The following EVC variants were observed in gnomAD, a reference collection of about 807,000 sequenced individuals.
EVC encodes the protein EvC ciliary complex subunit 1.
EVC carries 116 observed loss-of-function variants against 118.9 expected under a neutral mutation model. That is an observed-to-expected ratio of 0.98 (90% CI 0.84 to 1.14). The LOEUF is 1.14. Among genes scored for constraint, EVC ranks in the 50% most tolerant of loss-of-function variants. EVC has a pLI of 0.00. For missense variants in EVC, 1,401 were observed against 1,246.4 expected, an observed-to-expected ratio of 1.12 and a Z score of -1.87; for synonymous variants, 619 against 534.7, an observed-to-expected ratio of 1.16 and a Z score of -2.18.
At chr4:5,735,692 G>A (rs910730977) in intron 5 of EVC, among the ~76,000 whole-genome samples, 3 of 152,176 alleles carry the variant, frequency 2.0e-5, no homozygotes, top group African/African-American at 7.2e-5. Context: ...TAAGTCACTT[G>A]CCCAAAGTCA....
chr4:5,767,643 G>T (rs1733148293), intron 11 of EVC, among the ~76,000 whole-genome samples: 1 of 152,018 alleles, frequency 6.6e-6, no homozygotes. Context: ...ACAGTATGCG[G>T]GTGGGAGTGA....
chr4:5,784,187 C>A (rs189621634), intron 12 of EVC, among the ~76,000 whole-genome samples: 4 of 152,244 alleles, frequency 2.6e-5, no homozygotes, highest in Admixed American at 2.6e-4. Context: ...TCAAAGATAT[C>A]TATGCTGTGT....
At chr4:5,767,743 C>G (rs945588444) in intron 11 of EVC, among the ~76,000 whole-genome samples, 16 of 152,190 alleles carry the variant, frequency 1.1e-4, no homozygotes, top group African/African-American at 3.6e-4. Flanking sequence ...GAGGCAATGC[C>G]TCGCCCTGCT....
rs150373930 is a variant in EVC, at chr4:5,801,967, G to C, written c.2322G>C (p.Ala774=). Residue 774 remains alanine (A), a synonymous_variant, in exon 16 of 21, where the codon GCG becomes GCC. Coordinates refer to ENST00000264956, the MANE Select transcript of EVC (RefSeq NM_153717.3). ...RDDFKRTLME[A]AVESVYVTSA... is the part of the protein sequence containing the mutation. ...TCCCTCAGAGGACACTGATGGAGGC[G>C]GCAGTGGAGAGCGTCTACGTGACCA... 8.9e-4 allele frequency: 1,437 copies of C among 1,613,674 alleles called. 7 individuals are homozygous for C. Among genetic ancestry groups the C allele is most frequent in the South Asian group, 2.0e-3 (184 of 91,046 alleles).
chr4:5,722,529 G>A (rs767564363), intron 2 of EVC, among the ~76,000 whole-genome samples: 8 of 152,098 alleles, frequency 5.3e-5, no homozygotes, highest in Non-Finnish European at 7.3e-5. Context: ...CCAGGGCCTT[G>A]TGGTTCCTGC....
chr4:5,751,572 G>T (rs1281161708), intron 8 of EVC, among the ~76,000 whole-genome samples: 1 of 152,254 alleles, frequency 6.6e-6, no homozygotes, highest in Non-Finnish European at 1.5e-5. Flanking sequence ...TGTGTTGTGG[G>T]AACAGAGGCC....
rs1724489884 is a variant in EVC, at chr4:5,719,132, C to T, written c.175-116C>T. ...CAAGCTTGAGAAGCACAGAGGCGAG[C>T]AGAAGTGGCTGCTGGACTGGGGGAG... On this transcript the variant is annotated intron_variant, in intron 1 of 20. Coordinates refer to ENST00000264956, the MANE Select transcript of EVC (RefSeq NM_153717.3). This position sits in a 1 kb window ranked among gnomAD's most constrained non-coding sequence, Gnocchi z 4.7. 7.4e-7 allele frequency: 1 copy of T among 1,359,562 alleles called. No individual in the cohort carries two copies. The highest frequency in any genetic ancestry group is 2.3e-5 in the East Asian group (1 of 43,450). 84.2% of individuals were successfully genotyped at this position (1,359,562 alleles called of 1,614,324 possible). A position where few individuals can be genotyped will look rare whatever the true frequency, so the allele number is the denominator to read the frequency against.
At chr4:5,802,652 A>G (rs1715214304) in intron 16 of EVC, among the ~76,000 whole-genome samples, 1 of 152,178 alleles carries the variant, frequency 6.6e-6, no homozygotes, top group Admixed American at 6.5e-5. Context: ...CAGGCATTAG[A>G]TAAGGAATGC....
At chr4:5,820,294 T>C in the EVC span, among the ~76,000 whole-genome samples, 1 of 151,806 alleles carries the variant, frequency 6.6e-6, no homozygotes, top group Non-Finnish European at 1.5e-5. Flanking sequence ...GTCACCATCA[T>C]CACCATCACC....
intron 11 of EVC, among the ~76,000 whole-genome samples, chr4:5,776,990 G>A (rs1305335484): frequency 6.6e-6 from 1 of 152,130 alleles, no homozygotes; most frequent in Non-Finnish European, 1.5e-5. Context: ...ATGCTGACTT[G>A]TAATTACTCT....
At chr4:5,758,278 A>G (rs540173531) in intron 11 of EVC, 2 of 578,156 alleles carry the variant, frequency 3.5e-6, no homozygotes, top group Admixed American at 3.1e-5. Context: ...GCCCTCCGGA[A>G]CGGTGAGAGA....
intron 20 of EVC, 70 bp from the exon 21 acceptor site, chr4:5,810,883 G>C (rs1375538477): frequency 7.3e-7 from 1 of 1,376,706 alleles, no homozygotes; most frequent in African/African-American, 1.4e-5. Flanking sequence ...AATCCGATTG[G>C]GTAAGTTATG....
chr4:5,816,758 G>A (rs1717763147), downstream of EVC, among the ~76,000 whole-genome samples: 1 of 148,240 alleles, frequency 6.7e-6, no homozygotes, highest in African/African-American at 2.5e-5. Context: ...GCAAATCTGT[G>A]GGCTCTGCCT....
At chr4:5,725,699 G>C (rs1265021390) in intron 2 of EVC, among the ~76,000 whole-genome samples, 1 of 152,084 alleles carries the variant, frequency 6.6e-6, no homozygotes, top group African/African-American at 2.4e-5. Flanking sequence ...AGTTTCTTTT[G>C]CTGTGCAGAA....
chr4:5,808,600 T>A (rs937576994), intron 18 of EVC, among the ~76,000 whole-genome samples: 1 of 152,198 alleles, frequency 6.6e-6, no homozygotes, highest in Non-Finnish European at 1.5e-5. Context: ...GCCTCATCTA[T>A]GGAGCTGACA....
intron 15 of EVC, 118 bp from the exon 16 acceptor site, chr4:5,801,831 AG>A: frequency 9.0e-7 from 1 of 1,108,830 alleles, no homozygotes; most frequent in Non-Finnish European, 1.3e-6. Flanking sequence ...TGACCAATCC[AG>A]GTTGGTGAGT....
chr4:5,802,826 C>T (rs566859262), intron 16 of EVC, among the ~76,000 whole-genome samples: 4 of 152,274 alleles, frequency 2.6e-5, no homozygotes, highest in South Asian at 2.1e-4. Flanking sequence ...CTGCCGCTCA[C>T]GTCTTGCTGT....
intron 12 of EVC, among the ~76,000 whole-genome samples, chr4:5,791,931 C>T (rs11735828): frequency 6.6e-6 from 1 of 152,140 alleles, no homozygotes; most frequent in African/African-American, 2.4e-5. Context: ...TCTACACATT[C>T]TCCCTTGCTG....
At chr4:5,721,210 T>C (rs1212788896) in intron 2 of EVC, among the ~76,000 whole-genome samples, 1 of 152,154 alleles carries the variant, frequency 6.6e-6, no homozygotes, top group Non-Finnish European at 1.5e-5. Context: ...CAAAAACTTG[T>C]ACACAAATGT....
Sources: gnomAD v4.1 joint callset for allele counts (sites outside exome capture counted in the v4.1 genomes callset) on GRCh38, gnomAD v4.1.1 for gene constraint, Gnocchi (gnomAD v3.1) non-coding constraint, MANE v1.5 for transcripts, NCBI Gene and HGNC (gene_info 2026-07-23, HGNC 2026-07-21) for gene names.